The following PLCG2 variants were observed in gnomAD, a reference collection of about 807,000 sequenced individuals.
The protein encoded by PLCG2 is 1-phosphatidylinositol 4,5-bisphosphate phosphodiesterase gamma-2.
Under a neutral mutation model 175.6 loss-of-function variants are expected in PLCG2, and 69 were observed. That is an observed-to-expected ratio of 0.39 (90% CI 0.32 to 0.48). PLCG2 has a LOEUF of 0.48. PLCG2 is among the 20% of genes least tolerant of loss of function. The probability of loss-of-function intolerance (pLI) is 0.91; values close to 1 mark genes in which losing one functional copy is unlikely to be tolerated. For synonymous variants in PLCG2, 827 were observed against 624.0 expected, an observed-to-expected ratio of 1.33 and a Z score of -4.85; for missense variants, 1,798 against 1,650.9, an observed-to-expected ratio of 1.09 and a Z score of -1.54.
intron 1 of PLCG2, among the ~76,000 whole-genome samples, chr16:81,748,974 C>T (rs1394349762): frequency 6.6e-6 from 1 of 152,136 alleles, no homozygotes; most frequent in Non-Finnish European, 1.5e-5. Context: ...GGCACTGAGG[C>T]CTGTGGCGGG....
chr16:81,952,458 T>G (rs1911405153), intron 31 of PLCG2, among the ~76,000 whole-genome samples: 2 of 152,286 alleles, frequency 1.3e-5, no homozygotes, highest in East Asian at 1.9e-4. Flanking sequence ...AGTGGTTGAT[T>G]TCCAGACATG....
intron 7 of PLCG2, among the ~76,000 whole-genome samples, chr16:81,876,628 G>T (rs980593429): frequency 3.3e-5 from 5 of 152,270 alleles, no homozygotes; most frequent in Admixed American, 2.6e-4. Context: ...TATTATTTTA[G>T]TCACTCATCC....
At chr16:81,759,803 A>T (rs763760455) in intron 2 of PLCG2, among the ~76,000 whole-genome samples, 1 of 152,212 alleles carries the variant, frequency 6.6e-6, no homozygotes, top group Non-Finnish European at 1.5e-5. Flanking sequence ...CCAGTCTTGT[A>T]GCTCTGCTGA....
At chr16:81,935,937 C>A (rs1000278364) in intron 26 of PLCG2, 2 of 984,904 alleles carry the variant, frequency 2.0e-6, no homozygotes, top group East Asian at 1.1e-4. Context: ...TACAGTAATT[C>A]TAGCCTAAAA....
chr16:81,881,579 C>T (rs981223514), intron 8 of PLCG2, among the ~76,000 whole-genome samples: 2 of 152,212 alleles, frequency 1.3e-5, no homozygotes, highest in African/African-American at 2.4e-5. Flanking sequence ...AGCAACTTTT[C>T]CCTCTGTCAC....
At position 81,891,550 on chromosome 16, in the gene PLCG2, A is replaced by C; in HGVS notation, c.946A>C (p.Asn316His). 6.2e-7 allele frequency: 1 copy of C among 1,610,798 alleles called. No homozygotes were observed. The highest frequency in any genetic ancestry group is 2.2e-5 in the East Asian group (1 of 44,836). The change falls in exon 11 of 33, where the codon AAC becomes CAC. Residue 316 changes from asparagine (N) to histidine (H), a missense_variant. Transcript: ENST00000564138. ...YDAVDMQDMN[N>H]PLSHYWISSS... Reference sequence around the variant, plus strand: ...CGCGGTGGACATGCAGGACATGAACAACCCCCTGTCTCATTACTGGATCTC... The same window carrying C: ...CGCGGTGGACATGCAGGACATGAACCACCCCCTGTCTCATTACTGGATCTC...
rs889148734 is a variant in PLCG2, at chr16:81,961,177, G to A, written c.*3179G>A. On this transcript the variant is annotated 3_prime_UTR_variant, in exon 33 of 33. Coordinates refer to ENST00000564138, the MANE Select transcript of PLCG2 (RefSeq NM_002661.5). ...CTTAGCATGTAACTACAAAGGGGTT[G>A]GAAGAATTCAGTGATTCTGCTATCA... 8.7e-6 allele frequency: 2 copies of A among 228,920 alleles called. No homozygotes were observed. Among genetic ancestry groups the A allele is most frequent in the African/African-American group, 4.4e-5 (2 of 45,120 alleles). The allele number at this position is 228,920 out of a possible 1,614,324, so 14.2% of individuals were successfully genotyped here. A position where few individuals can be genotyped will look rare whatever the true frequency, so the allele number is the denominator to read the frequency against.
At chr16:81,947,936 A>G (rs750117310) in intron 31 of PLCG2, among the ~76,000 whole-genome samples, 4 of 152,132 alleles carry the variant, frequency 2.6e-5, no homozygotes, top group Admixed American at 6.5e-5. Context: ...TGATATTTCC[A>G]TAGTCAGATT....
chr16:81,805,783 G>GTTTTTTTTTTTTT (rs35014411), intron 2 of PLCG2, among the ~76,000 whole-genome samples: 37 of 82,928 alleles, frequency 4.5e-4, no homozygotes, highest in African/African-American at 1.3e-3. Context: ...TTTTTTTTTT[G>GTTTTTTTTTTTTT]TTTTTTTTTT....
At position 81,961,452 on chromosome 16, in the gene PLCG2, C is replaced by G; in HGVS notation, c.*3454C>G. The G allele has an allele frequency of 4.4e-6, 1 of 225,512 alleles. No homozygotes were observed. The highest frequency in any genetic ancestry group is 8.8e-6 in the Non-Finnish European group (1 of 113,380). The allele number at this position is 225,512 out of a possible 1,614,324, so 14.0% of individuals were successfully genotyped here. ...TATGTGTTTATTGATTCAGCTCAAT[C>G]CAGAGGAAAATTTTAAAGGCTTACA... On this transcript the variant is annotated 3_prime_UTR_variant, in exon 33 of 33. Transcript: ENST00000564138.
Position 81,870,856 on chromosome 16 carries a change from T to C in PLCG2, c.569T>C (p.Ile190Thr). The change falls in exon 7 of 33, where the codon ATA becomes ACA. Residue 190 changes from isoleucine to threonine, a missense_variant. Transcript: ENST00000564138. ...TCACTTTTTTCATATTTACAGGAAA[T>C]AGGAGCACACAAAGATGAGCTCAGC... ...AKFLKDKFVEIGAHKDELSFE... is the reference protein window; with the variant it reads ...AKFLKDKFVETGAHKDELSFE... The C allele has an allele frequency of 6.3e-7, 1 of 1,584,890 alleles. No homozygotes were observed. The highest frequency in any genetic ancestry group is 8.6e-7 in the Non-Finnish European group (1 of 1,159,992).
intron 15 of PLCG2, among the ~76,000 whole-genome samples, chr16:81,907,377 TC>T (rs1264342619): frequency 6.6e-6 from 1 of 151,610 alleles, no homozygotes; most frequent in African/African-American, 2.4e-5. Flanking sequence ...GGCTGGGAAA[TC>T]CTGAAAGTTT....
upstream of PLCG2, among the ~76,000 whole-genome samples, chr16:81,774,520 C>T (rs944806772): frequency 2.6e-5 from 4 of 152,250 alleles, no homozygotes; most frequent in South Asian, 2.1e-4. Flanking sequence ...AGCTGGGACT[C>T]GGCTCGTCGC....
At chr16:81,789,332 C>G (rs954108670) in intron 2 of PLCG2, among the ~76,000 whole-genome samples, 1 of 152,168 alleles carries the variant, frequency 6.6e-6, no homozygotes, top group Non-Finnish European at 1.5e-5. Context: ...GCTCTGTTGC[C>G]CAGGCTAGAG....
intron 24 of PLCG2, among the ~76,000 whole-genome samples, chr16:81,930,459 G>A (rs1166754347): frequency 1.3e-5 from 2 of 152,212 alleles, no homozygotes; most frequent in East Asian, 3.9e-4. Context: ...TGTTTTTAAA[G>A]CCATTTAGCT....
chr16:81,954,506 C>A (rs55696133), intron 31 of PLCG2, among the ~76,000 whole-genome samples: 21,616 of 152,118 alleles, frequency 0.14, 2,023 homozygotes, highest in East Asian at 0.33. Context: ...TCCCCATCCG[C>A]CAACTAGCCA....
rs534026857 is a variant in PLCG2, at chr16:81,841,267, C to G, written c.194-13177C>G. Among the ~76,000 whole-genome samples the G allele has an allele frequency of 5.9e-5, 9 of 151,742 alleles. No individual in the cohort carries two copies. In the South Asian group the frequency reaches 1.9e-3, roughly 32 times the overall value. On this transcript the variant is annotated intron_variant, in intron 2 of 32. Coordinates refer to ENST00000564138, the MANE Select transcript of PLCG2 (RefSeq NM_002661.5). ...TTATTTATTTATTGAGATAGAGTCTCACTGAGTCGCCTAGGCTGGAGTGCA... is the reference window on the plus strand; with the variant it reads ...TTATTTATTTATTGAGATAGAGTCTGACTGAGTCGCCTAGGCTGGAGTGCA...
At chr16:81,907,899 A>T in intron 16 of PLCG2, 125 bp downstream of exon 16, 1 of 647,210 alleles carries the variant, frequency 1.5e-6, no homozygotes, top group Non-Finnish European at 2.7e-6. Context: ...CCGCTGAAGA[A>T]GCTGTTGATA....
rs529972806 is a variant in PLCG2, at chr16:81,920,977, C to A, written c.2236-221C>A. On this transcript the variant is annotated intron_variant, in intron 20 of 32. Transcript: ENST00000564138. ...AACGCAGTGCCTGGCACGCAGCAGG[C>A]CAGGACAGGGCCTCTCTGATTTTGG... Among the ~76,000 whole-genome samples the A allele has an allele frequency of 6.6e-5, 10 of 152,300 alleles. No homozygotes were observed. The South Asian group carries it at 2.1e-3, about 32-fold the overall frequency.
Sources: gnomAD v4.1 joint callset for allele counts (sites outside exome capture counted in the v4.1 genomes callset) on GRCh38, gnomAD v4.1.1 for gene constraint, MANE v1.5 for transcripts, NCBI Gene and HGNC (gene_info 2026-07-23, HGNC 2026-07-21) for gene names.